GGT1: variants seen among roughly 807,000 people sequenced by gnomAD.
GGT1 encodes the protein glutathione hydrolase 1 proenzyme.
Under a neutral mutation model 56.0 loss-of-function variants are expected in GGT1, and 21 were observed. That is an observed-to-expected ratio of 0.38 (90% CI 0.27 to 0.54). The LOEUF (loss-of-function observed/expected upper bound fraction) is 0.54, where lower values mean the gene tolerates loss of function less well. Among genes scored for constraint, GGT1 ranks in the 20% least tolerant of loss-of-function variants. The probability of loss-of-function intolerance (pLI) is 0.82; values close to 1 mark genes in which losing one functional copy is unlikely to be tolerated. For missense variants in GGT1, 466 were observed against 787.0 expected (o/e 0.59, Z 4.88); for synonymous variants, 238 against 342.6 (o/e 0.69, Z 3.37).
In GGT1 at chr22:24,605,726, TATA is replaced by T. The variant is rs1412605427; in HGVS notation, c.-429+2200_-429+2202del. On this transcript the variant is annotated intron_variant, in intron 1 of 15. Transcript: ENST00000400382. The stretch of plus-strand genomic sequence containing the variant: ...ATATTATATAATGTGTATTATATAT[TATA>T]TAATATTATATAATGTGTATTATAT... 2.1e-3 allele frequency among the ~76,000 whole-genome samples: 148 copies of T among 69,012 alleles called. 10 individuals carry two copies. Among genetic ancestry groups the T allele is most frequent in the East Asian group, 6.1e-3 (15 of 2,472 alleles). The allele number at this position is 69,012 out of a possible 152,430, so 45.3% of individuals were successfully genotyped here.
chr22:24,620,856 G>T lies in GGT1; in HGVS notation c.576-57G>T. On this transcript the variant is annotated intron_variant, in intron 8 of 15. Coordinates refer to ENST00000400382, the MANE Select transcript of GGT1 (RefSeq NM_001288833.2). This position sits in a 1 kb window ranked among gnomAD's most constrained non-coding sequence, Gnocchi z 5.6. ...TTCTCCTGTGTGGACGGGTGTGAGG[G>T]GTGGTCTAGCTGAGTCCACCCCACC... is the stretch of plus-strand genomic sequence containing the variant. The T allele has an allele frequency of 6.3e-7, 1 of 1,599,548 alleles. No individual in the cohort carries two copies. The highest frequency in any genetic ancestry group is 1.7e-5 in the Admixed American group (1 of 59,190).
At chr22:24,585,250 C>T in the GGT1 span, among the ~76,000 whole-genome samples, 1 of 152,208 alleles carries the variant, frequency 6.6e-6, no homozygotes, top group Non-Finnish European at 1.5e-5. Flanking sequence ...TCTGTGCAGC[C>T]TTGTCCCCTG....
intron 9 of GGT1, among the ~76,000 whole-genome samples, chr22:24,622,742 TA>T (rs969604182): frequency 1.6e-3 from 220 of 139,640 alleles, no homozygotes; most frequent in Admixed American, 1.3e-3. Flanking sequence ...ATCCTATCTC[TA>T]AAAAAAAAAA....
chr22:24,593,226 C>A (rs183293135), upstream of GGT1: 1 of 463,930 alleles, frequency 2.2e-6, no homozygotes, highest in Non-Finnish European at 2.9e-6. Context: ...CCTGATCACA[C>A]TGGAGGAGGC....
chr22:24,597,649 C>T (rs1021258165), intron 1 of GGT1, among the ~76,000 whole-genome samples: 26 of 145,782 alleles, frequency 1.8e-4, no homozygotes, highest in African/African-American at 6.4e-4. Context: ...CCACGGCATT[C>T]CAGCCTGGGT....
rs1388494321 is a variant in GGT1 at position 24,605,641 on chromosome 22, TATA to T, written c.-429+2118_-429+2120del. 8.7e-4 allele frequency among the ~76,000 whole-genome samples: 40 copies of T among 45,918 alleles called. 9 individuals carry two copies. Among genetic ancestry groups the T allele is most frequent in the Non-Finnish European group, 1.9e-4 (6 of 31,360 alleles). The allele number at this position is 45,918 out of a possible 152,430, so 30.1% of individuals were successfully genotyped here. ...AATATTATATAATGTGTATTATATA[TATA>T]ATATTATATAATGTGTATTATATAT... On this transcript the variant is annotated intron_variant, in intron 1 of 15. Coordinates refer to ENST00000400382, the MANE Select transcript of GGT1 (RefSeq NM_001288833.2).
chr22:24,598,848 T>C (rs546961711), upstream of GGT1, among the ~76,000 whole-genome samples: 1 of 152,194 alleles, frequency 6.6e-6, no homozygotes, highest in East Asian at 1.9e-4. Context: ...CCACTGCACC[T>C]GGCCATGGAT....
the GGT1 span, among the ~76,000 whole-genome samples, chr22:24,587,768 G>C: frequency 1.3e-5 from 2 of 152,182 alleles, no homozygotes; most frequent in South Asian, 4.1e-4. Flanking sequence ...GGAAAATCAG[G>C]GTAGAGTGTG....
chr22:24,612,405 C>T lies in GGT1; in HGVS notation c.164+1160C>T, dbSNP rs368240975. Among the ~76,000 whole-genome samples the T allele has an allele frequency of 1.3e-4, 19 of 151,598 alleles. No homozygotes were observed. The South Asian group carries it at 4.0e-3, about 32-fold the overall frequency. ...ACACATGTGCCATGTTGGTGTGCTG[C>T]ACCCACCAACTCATCATTTAGCATT... On this transcript the variant is annotated intron_variant, in intron 5 of 15. Transcript: ENST00000400382.
At chr22:24,607,673 A>G (rs2330827) in intron 1 of GGT1, 5 of 244,110 alleles carry the variant, frequency 2.0e-5, no homozygotes, top group African/African-American at 9.3e-5. Flanking sequence ...CACCCTGTGC[A>G]GATGCCTCCC....
At chr22:24,622,402 A>C (rs1223443524) in intron 9 of GGT1, among the ~76,000 whole-genome samples, 1 of 151,902 alleles carries the variant, frequency 6.6e-6, no homozygotes, top group Admixed American at 6.6e-5. Flanking sequence ...TCTCTACTAA[A>C]AATACAAAAA....
chr22:24,585,033 G>T, the GGT1 span, among the ~76,000 whole-genome samples: 2 of 151,980 alleles, frequency 1.3e-5, no homozygotes, highest in Non-Finnish European at 2.9e-5. Flanking sequence ...TCTCCCACAC[G>T]GGGACTCCCA....
intron 1 of GGT1, among the ~76,000 whole-genome samples, chr22:24,605,359 T>C (rs182710411): frequency 1.5e-4 from 8 of 54,732 alleles, no homozygotes; most frequent in Admixed American, 1.5e-3. Context: ...TTATATAATA[T>C]GTATTATATA....
chr22:24,592,265 A>C (rs1268534054), upstream of GGT1: 6 of 464,852 alleles, frequency 1.3e-5, no homozygotes. Context: ...GTTGTGATGC[A>C]CAGATGCTGG....
the GGT1 span, chr22:24,589,025 T>G: frequency 7.8e-6 from 8 of 1,021,948 alleles, no homozygotes; most frequent in Non-Finnish European, 9.4e-6. Context: ...ACACAGCAGC[T>G]GCAAGCCCTG....
At chr22:24,586,004 T>TC in the GGT1 span, 1 of 1,610,848 alleles carries the variant, frequency 6.2e-7, no homozygotes, top group East Asian at 2.2e-5. Context: ...CAGGCCCTCG[T>TC]AGATGGTGGG....
At chr22:24,584,686 C>T in the GGT1 span, among the ~76,000 whole-genome samples, 3 of 152,074 alleles carry the variant, frequency 2.0e-5, no homozygotes, top group Non-Finnish European at 2.9e-5. Flanking sequence ...TGGAGCCCCC[C>T]TCTGCTGCTG....
chr22:24,594,845 C>T (rs2045666159), exon 1 of GGT1: 1 of 152,024 alleles, frequency 6.6e-6, no homozygotes, highest in African/African-American at 2.4e-5. Flanking sequence ...CTCTGATGCC[C>T]CAGGGACCTC....
intron 1 of GGT1, among the ~76,000 whole-genome samples, chr22:24,605,443 TATA>T (rs1161287241): frequency 3.7e-5 from 3 of 80,280 alleles, no homozygotes; most frequent in South Asian, 7.4e-4. Context: ...TATAACAATA[TATA>T]ATGTGTATTA....
Sources: gnomAD v4.1 joint callset for allele counts (sites outside exome capture counted in the v4.1 genomes callset) on GRCh38, gnomAD v4.1.1 for gene constraint, Gnocchi (gnomAD v3.1) non-coding constraint, MANE v1.5 for transcripts, NCBI Gene and HGNC (gene_info 2026-07-23, HGNC 2026-07-21) for gene names.